Variants in MICALL1 observed in about 807,000 individuals in gnomAD.
MICALL1 encodes MICAL like 1, also known as MICAL-like protein 1.
A neutral mutation model predicts 83.7 loss-of-function variants in MICALL1; 61 were observed. The ratio of observed to expected loss-of-function variants is 0.73; its 90% CI spans 0.59 to 0.90. The LOEUF (loss-of-function observed/expected upper bound fraction) is 0.90, where lower values mean the gene tolerates loss of function less well. Among genes scored for constraint, MICALL1 ranks in the 40% least tolerant of loss-of-function variants. The pLI, the probability that MICALL1 is intolerant of heterozygous loss-of-function variation, is 0.00. For synonymous variants in MICALL1, 481 were observed against 473.6 expected (o/e 1.02, Z -0.20); for missense variants, 1,066 against 1,152.0 (o/e 0.93, Z 1.08).
At position 37,925,956 on chromosome 22, in the gene MICALL1, C is replaced by T; in HGVS notation, c.1378C>T (p.Leu460=). 6.2e-7 allele frequency: 1 copy of T among 1,613,896 alleles called. No individual in the cohort carries two copies. Among genetic ancestry groups the T allele is most frequent in the Non-Finnish European group, 8.5e-7 (1 of 1,179,942 alleles). The part of the protein sequence containing the change: ...LGHPESTPKS[L]HPWYGITPTS... ...CCACCCGGAGTCCACACCCAAGTCCCTGCACCCCTGGTACGGCATCACCCC... is the reference window on the plus strand; with the variant it reads ...CCACCCGGAGTCCACACCCAAGTCCTTGCACCCCTGGTACGGCATCACCCC... Residue 460 remains leucine (L), a synonymous_variant, in exon 8 of 16, where the codon CTG becomes TTG. Coordinates refer to ENST00000215957, the MANE Select transcript of MICALL1 (RefSeq NM_033386.4).
intron 3 of MICALL1, among the ~76,000 whole-genome samples, chr22:37,915,072 C>T (rs1029744671): frequency 6.6e-6 from 1 of 151,952 alleles, no homozygotes; most frequent in Admixed American, 6.5e-5. Flanking sequence ...ATAGCAAGAA[C>T]CTGTCTCTAC....
intron 13 of MICALL1, among the ~76,000 whole-genome samples, chr22:37,934,796 C>G (rs1173425918): frequency 4.6e-5 from 7 of 150,766 alleles, no homozygotes; most frequent in Admixed American, 4.6e-4. Context: ...CCAGGTTTCA[C>G]CATGTTAGCC....
At chr22:37,911,813 T>TC (rs1418999889) in intron 1 of MICALL1, 139 bp from the exon 2 acceptor site, 26 of 795,020 alleles carry the variant, frequency 3.3e-5, no homozygotes, top group Non-Finnish European at 4.0e-5. Flanking sequence ...ATCCACAGAC[T>TC]CCCCCCCAGC....
chr22:37,925,736 T>TC lies in MICALL1; in HGVS notation c.1163dup (p.Ser389LysfsTer37). 6.2e-7 allele frequency: 1 copy of TC among 1,608,408 alleles called. No individual in the cohort carries two copies. Among genetic ancestry groups the TC allele is most frequent in the Non-Finnish European group, 8.5e-7 (1 of 1,179,072 alleles). ...AACCAAAGAAGAAGCCAGCCCCACT[T>TC]CCCCCAAGCAGCAGCCCGGGGCCAC... On this transcript the variant is annotated frameshift_variant, in exon 8 of 16. Transcript: ENST00000215957. LOFTEE classifies it high-confidence loss of function.
At position 37,908,287 on chromosome 22, in the gene MICALL1, CTT is replaced by C. The variant is rs550176052; in HGVS notation, c.146+1731_146+1732del. ...TAGTTACTGTGAGTAACTAATGTTA[CTT>C]TTTTTTTTTTTAATGTTTTTTATTT... On this transcript the variant is annotated intron_variant, in intron 1 of 15. Coordinates refer to ENST00000215957, the MANE Select transcript of MICALL1 (RefSeq NM_033386.4). Among the ~76,000 whole-genome samples the C allele has an allele frequency of 3.4e-3, 494 of 143,314 alleles. 2 individuals carry two copies. Among genetic ancestry groups the C allele is most frequent in the African/African-American group, 0.012 (470 of 39,400 alleles). 94.0% of individuals were successfully genotyped at this position (143,314 alleles called of 152,430 possible).
At chr22:37,934,876 A>G (rs200598548) in intron 13 of MICALL1, among the ~76,000 whole-genome samples, 265 of 147,468 alleles carry the variant, frequency 1.8e-3, no homozygotes, top group Non-Finnish European at 2.6e-3. Flanking sequence ...GATTACAGGC[A>G]TGAGCCACTG....
At chr22:37,936,186 C>T (rs1020118053) in intron 13 of MICALL1, among the ~76,000 whole-genome samples, 1 of 152,104 alleles carries the variant, frequency 6.6e-6, no homozygotes, top group African/African-American at 2.4e-5. Context: ...TTGGCTGGGG[C>T]CTTGAGAGGA....
rs746296916 is a variant in MICALL1, at chr22:37,942,247, G to T, written c.*1417G>T. 2 of 152,274 alleles carry T rather than the reference G, an allele frequency of 1.3e-5. No individual in the cohort carries two copies. The highest frequency in any genetic ancestry group is 4.8e-5 in the African/African-American group (2 of 41,476). The allele number at this position is 152,274 out of a possible 1,614,324, so 9.4% of individuals were successfully genotyped here. A position where few individuals can be genotyped will look rare whatever the true frequency, so the allele number is the denominator to read the frequency against. ...TTCTAAACATGCCTGTTGACCTGGA[G>T]CTGGCGCCACCAACTCCAGGGCCTT... is the stretch of plus-strand genomic sequence containing the variant. On this transcript the variant is annotated 3_prime_UTR_variant, in exon 16 of 16. Coordinates refer to ENST00000215957, the MANE Select transcript of MICALL1 (RefSeq NM_033386.4).
At chr22:37,923,384 G>T (rs1929219215) in intron 6 of MICALL1, among the ~76,000 whole-genome samples, 1 of 151,294 alleles carries the variant, frequency 6.6e-6, no homozygotes, top group Admixed American at 6.6e-5. Context: ...ACACCACTAT[G>T]TCTGGCTAAT....
chr22:37,922,471 ACTGT>A (rs1044172733), intron 6 of MICALL1, 45 bp downstream of exon 6: 99 of 1,404,016 alleles, frequency 7.1e-5, no homozygotes, highest in South Asian at 8.6e-5. Flanking sequence ...GTGGCAGTGC[ACTGT>A]CTATTGAAAA....
intron 14 of MICALL1, 36 bp downstream of exon 14, chr22:37,937,230 G>A: frequency 6.6e-7 from 1 of 1,507,548 alleles, no homozygotes; most frequent in Non-Finnish European, 9.0e-7. Context: ...CTGGGGGCAG[G>A]GCCAGAGCAG....
chr22:37,906,323 A>T lies in MICALL1; in HGVS notation c.-100A>T. The T allele has an allele frequency of 1.1e-6, 1 of 881,608 alleles. No homozygotes were observed. Among genetic ancestry groups the T allele is most frequent in the Non-Finnish European group, 1.4e-6 (1 of 735,686 alleles). The allele number at this position is 881,608 out of a possible 1,614,324, so 54.6% of individuals were successfully genotyped here. A position where few individuals can be genotyped will look rare whatever the true frequency, so the allele number is the denominator to read the frequency against. On this transcript the variant is annotated 5_prime_UTR_variant, in exon 1 of 16. Coordinates refer to ENST00000215957, the MANE Select transcript of MICALL1 (RefSeq NM_033386.4). This position sits in a 1 kb window ranked among gnomAD's most constrained non-coding sequence, Gnocchi z 4.4. Reference sequence around the variant, plus strand: ...CCTGCCGGTCGGCGCCCGAGCTCGGAGCCGCAGCCGCAGCCGGAAACCGGG... The same window carrying T: ...CCTGCCGGTCGGCGCCCGAGCTCGGTGCCGCAGCCGCAGCCGGAAACCGGG...
At chr22:37,915,098 A>AAT (rs1928594388) in intron 3 of MICALL1, among the ~76,000 whole-genome samples, 1 of 152,076 alleles carries the variant, frequency 6.6e-6, no homozygotes, top group Non-Finnish European at 1.5e-5. Context: ...TAAAAATAAA[A>AAT]AAATTAACCA....
In MICALL1 at chr22:37,937,087, C is replaced by G; in HGVS notation, c.2316C>G (p.Asp772Glu). 6.4e-7 allele frequency: 1 copy of G among 1,551,552 alleles called. No homozygotes were observed. The highest frequency in any genetic ancestry group is 8.7e-7 in the Non-Finnish European group (1 of 1,146,924). ...LRCLLNKPEK[D>E]WTEEDRAREK... ...ACTTTTCTCCCTGGGCAGAAAAGGA[C>G]TGGACGGAGGAGGACCGGGCCCGGG... The change falls in exon 14 of 16, where the codon GAC becomes GAG. Residue 772 changes from aspartate to glutamate, a missense_variant. By Grantham distance (45) the Asp-to-Glu change is conservative. Coordinates refer to ENST00000215957, the MANE Select transcript of MICALL1 (RefSeq NM_033386.4).
chr22:37,909,997 C>G (rs955924626), intron 1 of MICALL1, among the ~76,000 whole-genome samples: 1 of 152,084 alleles, frequency 6.6e-6, no homozygotes, highest in African/African-American at 2.4e-5. Context: ...CTGGGCCATC[C>G]CTCCGCACCA....
intron 5 of MICALL1, among the ~76,000 whole-genome samples, chr22:37,920,276 AAG>A (rs1299554143): frequency 6.6e-6 from 1 of 152,104 alleles, no homozygotes; most frequent in Non-Finnish European, 1.5e-5. Flanking sequence ...ATGAAACCAA[AAG>A]AGGAAATTGA....
At chr22:37,909,360 C>T (rs1014374313) in intron 1 of MICALL1, among the ~76,000 whole-genome samples, 6 of 144,490 alleles carry the variant, frequency 4.2e-5, no homozygotes, top group East Asian at 2.1e-4. Context: ...GGCCGAGCCA[C>T]GTAGGTTTTT....
intron 13 of MICALL1, among the ~76,000 whole-genome samples, chr22:37,934,754 G>A (rs1240251386): frequency 3.3e-5 from 5 of 149,756 alleles, no homozygotes; most frequent in Admixed American, 6.7e-5. Flanking sequence ...CTGCCACCAC[G>A]CCCGGCTAAT....
chr22:37,919,330 G>A lies in MICALL1; in HGVS notation c.569+152G>A, dbSNP rs530104654. The A allele has an allele frequency of 8.8e-6, 9 of 1,025,664 alleles. 1 individual carries two copies. The East Asian group carries it at 2.8e-4, about 32-fold the overall frequency. 63.5% of individuals were successfully genotyped at this position (1,025,664 alleles called of 1,614,324 possible). A position where few individuals can be genotyped will look rare whatever the true frequency, so the allele number is the denominator to read the frequency against. On this transcript the variant is annotated intron_variant, in intron 5 of 15. Coordinates refer to ENST00000215957, the MANE Select transcript of MICALL1 (RefSeq NM_033386.4). Reference sequence around the variant, plus strand: ...ACTGATGAGCAAACCAAGGCTTAGTGAGGGGAAAAGCAGTTGCTCAGCCAC... The same window carrying A: ...ACTGATGAGCAAACCAAGGCTTAGTAAGGGGAAAAGCAGTTGCTCAGCCAC...
Sources: allele counts gnomAD v4.1 joint callset (sites outside exome capture counted in the v4.1 genomes callset), GRCh38; gene constraint gnomAD v4.1.1; non-coding constraint Gnocchi (gnomAD v3.1); transcripts MANE v1.5; gene names NCBI Gene and HGNC (gene_info 2026-07-23, HGNC 2026-07-21).